ZFX: variants seen among roughly 807,000 people sequenced by gnomAD.
The protein encoded by ZFX is zinc finger protein X-linked, also known as zinc finger X-chromosomal protein.
For synonymous variants in ZFX, 196 were observed against 226.8 expected, an observed-to-expected ratio of 0.86 and a Z score of 1.22; for missense variants, 362 against 628.3, an observed-to-expected ratio of 0.58 and a Z score of 4.53.
intron 5 of ZFX, among the ~76,000 whole-genome samples, chrX:24,182,037 A>T (rs1935729552): frequency 9.0e-6 from 1 of 111,057 alleles, no homozygotes; most frequent in Non-Finnish European, 1.9e-5. Context: ...TCGATGATAG[A>T]TAAAAGAGGC....
At position 24,212,639 on chromosome X, in the gene ZFX, G is replaced by A. The variant is rs1299509606; in HGVS notation, c.*1263G>A. The A allele has an allele frequency of 8.9e-6, 1 of 112,180 alleles. No individual in the cohort carries two copies. Among genetic ancestry groups the A allele is most frequent in the Admixed American group, 9.5e-5 (1 of 10,544 alleles). The allele number at this position is 112,180 out of a possible 1,213,427, so 9.2% of individuals were successfully genotyped here. On this transcript the variant is annotated 3_prime_UTR_variant, in exon 10 of 10. Coordinates refer to ENST00000304543, the MANE Select transcript of ZFX (RefSeq NM_003410.4). ...TTTGAGAAGCCTGAGAGGGAACTCT[G>A]TCTTACCTAGTGAGGGGGATGGAAA...
intron 3 of ZFX, 33 bp from the exon 4 acceptor site, chrX:24,172,682 A>C: frequency 9.4e-7 from 1 of 1,060,863 alleles, no homozygotes; most frequent in Non-Finnish European, 1.2e-6. Context: ...TGAAAAAACT[A>C]ATGGCTTTGG....
At chrX:24,159,316 C>T (rs997672997) in intron 3 of ZFX, among the ~76,000 whole-genome samples, 1 of 112,324 alleles carries the variant, frequency 8.9e-6, no homozygotes, top group African/African-American at 3.2e-5. Context: ...AACTATTTTT[C>T]GATTCCCGGA....
chrX:24,185,435 T>C (rs1936029915), intron 5 of ZFX, among the ~76,000 whole-genome samples: 1 of 112,025 alleles, frequency 8.9e-6, no homozygotes, highest in South Asian at 3.7e-4. Flanking sequence ...CAAAGATACT[T>C]AATGATGCAT....
intron 3 of ZFX, among the ~76,000 whole-genome samples, chrX:24,171,231 G>A: frequency 9.0e-6 from 1 of 111,287 alleles, no homozygotes; most frequent in Non-Finnish European, 1.9e-5. Flanking sequence ...TTTTTTTGTG[G>A]GGAAGGAGAT....
At chrX:24,165,415 G>A (rs1335310278) in intron 3 of ZFX, among the ~76,000 whole-genome samples, 3 of 112,575 alleles carry the variant, frequency 2.7e-5, no homozygotes, top group African/African-American at 6.4e-5. Context: ...CACCACGCCC[G>A]GCCAGAAAGA....
intron 5 of ZFX, among the ~76,000 whole-genome samples, chrX:24,189,153 C>T (rs1260034592): frequency 9.0e-6 from 1 of 111,709 alleles, no homozygotes; most frequent in African/African-American, 3.3e-5. Flanking sequence ...AAGGTTTTAT[C>T]GGTAGAATTT....
intron 5 of ZFX, among the ~76,000 whole-genome samples, chrX:24,182,356 G>A (rs1270330172): frequency 9.0e-6 from 1 of 111,730 alleles, no homozygotes; most frequent in Admixed American, 9.6e-5. Flanking sequence ...TGCTTGTCGA[G>A]TGAGAGTGTC....
At chrX:24,189,471 GGTCATAGTAGACATCCAATAAAAC>G (rs977943797) in intron 5 of ZFX, among the ~76,000 whole-genome samples, 1 of 111,859 alleles carries the variant, frequency 8.9e-6, no homozygotes, top group African/African-American at 3.3e-5. Context: ...GCATGACTTT[GGTCATAGTAGACATCCAATAAAAC>G]GTGGTTCAGG....
Position 24,179,198 on chromosome X carries a change from A to G in ZFX, c.74A>G (p.His25Arg), listed in dbSNP as rs771765990. 1 of 1,210,864 alleles carries G rather than the reference A, an allele frequency of 8.3e-7. No individual in the cohort carries two copies. Among genetic ancestry groups the G allele is most frequent in the South Asian group, 1.8e-5 (1 of 56,846 alleles). The change falls in exon 5 of 10, where the codon CAC becomes CGC. Residue 25 changes from histidine (H) to arginine (R), a missense_variant. His to Arg is a conservative substitution (Grantham distance 29, BLOSUM62 0). Transcript: ENST00000304543. ...TTTTTTTAAGGAGCTGATGGTACAC[A>G]CATGGATGGTGATCAAATTGTTGTG... ...FFDATGADGT[H>R]MDGDQIVVEV...
At chrX:24,176,250 G>A (rs1399245499) in intron 4 of ZFX, among the ~76,000 whole-genome samples, 1 of 108,231 alleles carries the variant, frequency 9.2e-6, no homozygotes, top group Non-Finnish European at 1.9e-5. Context: ...TGTTGGTCAG[G>A]CTGGTCTCGA....
chrX:24,191,827 G>A (rs531742064), intron 5 of ZFX, among the ~76,000 whole-genome samples: 183 of 110,386 alleles, frequency 1.7e-3, no homozygotes, highest in Middle Eastern at 9.2e-3. Context: ...AGCCTCCCGA[G>A]TAGCTGGGAT....
chrX:24,208,829 T>C, intron 8 of ZFX, 71 bp from the exon 9 acceptor site: 1 of 1,047,055 alleles, frequency 9.6e-7, no homozygotes, highest in African/African-American at 1.9e-5. Flanking sequence ...GTTGTTGTAG[T>C]TAATGAAGAA....
chrX:24,171,805 C>T (rs138614062), intron 3 of ZFX, among the ~76,000 whole-genome samples: 6,329 of 109,546 alleles, frequency 0.058, 505 homozygotes, highest in African/African-American at 0.2. Context: ...CCCCTCCCTG[C>T]TTACTCTATT....
rs1032276003 is a variant in ZFX at position 24,152,840 on chromosome X, T to C, written c.-29+10T>C. On this transcript the variant is annotated intron_variant, in intron 3 of 9. Transcript: ENST00000304543. The stretch of plus-strand genomic sequence containing the variant: ...TGTGTGATTAAGACAGGTAAGTGTG[T>C]AGTTTAGTTTCAATTAGAAATGGTT... The C allele has an allele frequency of 1.3e-4, 15 of 112,692 alleles. No individual in the cohort carries two copies. Among genetic ancestry groups the C allele is most frequent in the African/African-American group, 4.5e-4 (14 of 31,018 alleles). 9.3% of individuals were successfully genotyped at this position (112,692 alleles called of 1,213,427 possible).
At chrX:24,176,594 G>A (rs904107909) in intron 4 of ZFX, among the ~76,000 whole-genome samples, 1 of 108,719 alleles carries the variant, frequency 9.2e-6, no homozygotes, top group Admixed American at 9.9e-5. Flanking sequence ...ACTACGCCTG[G>A]TTAATTTTTA....
chrX:24,182,902 A>G (rs1288658239), intron 5 of ZFX, among the ~76,000 whole-genome samples: 5 of 111,521 alleles, frequency 4.5e-5, no homozygotes, highest in Non-Finnish European at 9.4e-5. Flanking sequence ...TGGAGAGGGA[A>G]AGTGAGTCCC....
chrX:24,182,791 A>G (rs1935791109), intron 5 of ZFX, among the ~76,000 whole-genome samples: 1 of 111,680 alleles, frequency 9.0e-6, no homozygotes, highest in Admixed American at 9.5e-5. Flanking sequence ...CTGGACAGAG[A>G]GAACCTGAAG....
chrX:24,169,272 G>A (rs1356986075), intron 3 of ZFX, among the ~76,000 whole-genome samples: 1 of 111,818 alleles, frequency 8.9e-6, no homozygotes, highest in East Asian at 2.8e-4. Flanking sequence ...GGAAATGCAC[G>A]TGATGTAAAA....
Sources: allele counts gnomAD v4.1 joint callset (sites outside exome capture counted in the v4.1 genomes callset), GRCh38; gene constraint gnomAD v4.1.1; transcripts MANE v1.5; gene names NCBI Gene and HGNC (gene_info 2026-07-23, HGNC 2026-07-21).